MAP3K4: variants seen among roughly 807,000 people sequenced by gnomAD.
The protein encoded by MAP3K4 is mitogen-activated protein kinase kinase kinase 4.
MAP3K4 carries 67 observed loss-of-function variants against 185.6 expected under a neutral mutation model. The ratio of observed to expected loss-of-function variants is 0.36; its 90% CI spans 0.30 to 0.44. The LOEUF (loss-of-function observed/expected upper bound fraction) is 0.44. Ranked by LOEUF, MAP3K4 falls within the 20% of genes least tolerant of loss-of-function variation. The probability of loss-of-function intolerance (pLI) is 1.00; values close to 1 mark genes in which losing one functional copy is unlikely to be tolerated. For synonymous variants in MAP3K4, 702 were observed against 710.4 expected, an observed-to-expected ratio of 0.99 and a Z score of 0.19; for missense variants, 1,551 against 1,995.1, an observed-to-expected ratio of 0.78 and a Z score of 4.24.
intron 2 of MAP3K4, among the ~76,000 whole-genome samples, chr6:161,041,243 A>G (rs1783435809): frequency 6.6e-6 from 1 of 152,126 alleles, no homozygotes; most frequent in Non-Finnish European, 1.5e-5. Context: ...CAACCTGACT[A>G]CCTATCGGCA....
intron 17 of MAP3K4, among the ~76,000 whole-genome samples, chr6:161,099,270 G>A (rs2114888860): frequency 6.6e-6 from 1 of 152,334 alleles, no homozygotes; most frequent in East Asian, 1.9e-4. Flanking sequence ...GGAGAAAATA[G>A]TAGAGTTAAC....
intron 1 of MAP3K4, among the ~76,000 whole-genome samples, chr6:160,992,951 C>T (rs1780808177): frequency 6.6e-6 from 1 of 152,012 alleles, no homozygotes; most frequent in Non-Finnish European, 1.5e-5. Flanking sequence ...AAACTGCTGC[C>T]CCCTGTCCCC....
In MAP3K4 at chr6:161,087,127, G is replaced by A. The variant is rs1785762423; in HGVS notation, c.2556+460G>A. 6.6e-6 allele frequency among the ~76,000 whole-genome samples: 1 copy of A among 152,116 alleles called. No homozygotes were observed. Among genetic ancestry groups the A allele is most frequent in the Non-Finnish European group, 1.5e-5 (1 of 68,024 alleles). On this transcript the variant is annotated intron_variant, in intron 9 of 26. Transcript: ENST00000392142. The surrounding 1 kb of genome is among the most constrained non-coding windows in gnomAD (Gnocchi z 4.9). ...TGGAGATTTAGCACAGTTAGAATCC[G>A]TATGTGATGTCATCACTGGACATTT... is the stretch of plus-strand genomic sequence containing the variant.
rs1780707728 is a variant in MAP3K4, at chr6:160,991,845, G to C, written c.-87G>C. ...GCGGGGTAGAGGCGGAGGCGGAGTC[G>C]AGTCACTCCCGCACTTCGGGGCTCC... On this transcript the variant is annotated 5_prime_UTR_variant, in exon 1 of 27. Transcript: ENST00000392142. The surrounding 1 kb of genome is among the most constrained non-coding windows in gnomAD (Gnocchi z 5.7). 7.3e-7 allele frequency: 1 copy of C among 1,367,266 alleles called. No individual in the cohort carries two copies. The highest frequency in any genetic ancestry group is 9.4e-7 in the Non-Finnish European group (1 of 1,064,008). The allele number at this position is 1,367,266 out of a possible 1,614,324, so 84.7% of individuals were successfully genotyped here.
chr6:161,072,952 G>T (rs1785017146), intron 4 of MAP3K4, among the ~76,000 whole-genome samples: 1 of 151,910 alleles, frequency 6.6e-6, no homozygotes, highest in Non-Finnish European at 1.5e-5. Context: ...TAAGTCGGTT[G>T]GTTGGTTTTG....
chr6:161,075,406 C>G lies in MAP3K4; in HGVS notation c.2097+1794C>G, dbSNP rs1474009236. ...CTCCTGGGCTCAGTGATCCTCCCGC[C>G]TTGGCCTCCCAAAGTGCTGGGATTA... On this transcript the variant is annotated intron_variant, in intron 5 of 26. Coordinates refer to ENST00000392142, the MANE Select transcript of MAP3K4 (RefSeq NM_005922.4). The surrounding 1 kb of genome is among the most constrained non-coding windows in gnomAD (Gnocchi z 4.3). 6.6e-6 allele frequency among the ~76,000 whole-genome samples: 1 copy of G among 152,216 alleles called. No homozygotes were observed. The highest frequency in any genetic ancestry group is 2.4e-5 in the African/African-American group (1 of 41,470).
At position 161,080,389 on chromosome 6, in the gene MAP3K4, A is replaced by C. The variant is rs760890614; in HGVS notation, c.2098-492A>C. On this transcript the variant is annotated intron_variant, in intron 5 of 26. Transcript: ENST00000392142. The surrounding 1 kb of genome is among the most constrained non-coding windows in gnomAD (Gnocchi z 4.8). The stretch of plus-strand genomic sequence containing the variant: ...ATATTTTGGTTTTAGATCATCATTT[A>C]TATGTTGCAAGCCTTGAAAACATTT... Among the ~76,000 whole-genome samples the C allele has an allele frequency of 6.6e-6, 1 of 152,216 alleles. No individual in the cohort carries two copies. The highest frequency in any genetic ancestry group is 1.5e-5 in the Non-Finnish European group (1 of 68,036).
chr6:161,031,935 G>A (rs972607667), intron 1 of MAP3K4, among the ~76,000 whole-genome samples: 7 of 152,072 alleles, frequency 4.6e-5, no homozygotes, highest in Non-Finnish European at 7.4e-5. Flanking sequence ...TTGCTATTTC[G>A]TATCTGACTT....
Position 161,112,818 on chromosome 6 carries a change from A to G in MAP3K4, c.4626+44A>G, listed in dbSNP as rs200867085. On this transcript the variant is annotated intron_variant, in intron 25 of 26. Coordinates refer to ENST00000392142, the MANE Select transcript of MAP3K4 (RefSeq NM_005922.4). This position sits in a 1 kb window ranked among gnomAD's most constrained non-coding sequence, Gnocchi z 5.1. The stretch of plus-strand genomic sequence containing the variant: ...CCTGGCGGAGCAACTTCAGAAGGGC[A>G]CTGTGCATTAACAGAACAGTAGTTA... 1.2e-4 allele frequency: 158 copies of G among 1,341,400 alleles called. 1 individual carries two copies. The highest frequency in any genetic ancestry group is 9.4e-4 in the Middle Eastern group (5 of 5,324). 83.1% of individuals were successfully genotyped at this position (1,341,400 alleles called of 1,614,324 possible). A position where few individuals can be genotyped will look rare whatever the true frequency, so the allele number is the denominator to read the frequency against.
chr6:161,025,811 T>G (rs1172838866), intron 1 of MAP3K4, among the ~76,000 whole-genome samples: 1 of 152,254 alleles, frequency 6.6e-6, no homozygotes, highest in Admixed American at 6.5e-5. Context: ...CTTGTTTCTC[T>G]GTAAACTCTT....
At chr6:161,040,330 TAC>T (rs1178761304) in intron 2 of MAP3K4, among the ~76,000 whole-genome samples, 1 of 152,158 alleles carries the variant, frequency 6.6e-6, no homozygotes, top group African/African-American at 2.4e-5. Context: ...GTGTGCAACC[TAC>T]ACACACACAG....
intron 19 of MAP3K4, among the ~76,000 whole-genome samples, chr6:161,105,284 A>G (rs1165823532): frequency 6.6e-6 from 1 of 152,244 alleles, no homozygotes; most frequent in African/African-American, 2.4e-5. Context: ...AATGAGGAAT[A>G]ATGGCAATAG....
At chr6:161,099,549 T>C (rs1777735162) in intron 17 of MAP3K4, among the ~76,000 whole-genome samples, 2 of 152,246 alleles carry the variant, frequency 1.3e-5, no homozygotes, top group South Asian at 2.1e-4. Context: ...ATGGCAAATA[T>C]CTTCATATAT....
At chr6:160,995,112 T>C (rs1780930783) in intron 1 of MAP3K4, among the ~76,000 whole-genome samples, 1 of 152,224 alleles carries the variant, frequency 6.6e-6, no homozygotes. Flanking sequence ...GTCTATTTTT[T>C]TAATTATTAT....
Position 161,115,050 on chromosome 6 carries a change from A to T in MAP3K4, c.4627-73A>T. 1.5e-6 allele frequency: 2 copies of T among 1,361,462 alleles called. No homozygotes were observed. Among genetic ancestry groups the T allele is most frequent in the Non-Finnish European group, 2.0e-6 (2 of 980,472 alleles). The allele number at this position is 1,361,462 out of a possible 1,614,324, so 84.3% of individuals were successfully genotyped here. On this transcript the variant is annotated intron_variant, in intron 25 of 26. Transcript: ENST00000392142. This position sits in a 1 kb window ranked among gnomAD's most constrained non-coding sequence, Gnocchi z 6.0. ...ATATATTAATGATGAGATGCTTAAA[A>T]ACAGACTGAACATTTGCGTTGTTTG...
chr6:161,043,428 G>A lies in MAP3K4; in HGVS notation c.344-5188G>A, dbSNP rs899157494. ...GCCTGTGTAATCTTTTGTGGTACTC[G>A]CTGTCTTAGCCTTTCCTTGGTCAGT... On this transcript the variant is annotated intron_variant, in intron 2 of 26. Transcript: ENST00000392142. This position sits in a 1 kb window ranked among gnomAD's most constrained non-coding sequence, Gnocchi z 4.3. Among the ~76,000 whole-genome samples the A allele has an allele frequency of 2.6e-5, 4 of 152,064 alleles. No individual in the cohort carries two copies. The highest frequency in any genetic ancestry group is 2.1e-4 in the South Asian group (1 of 4,824).
In MAP3K4 at chr6:161,044,224, A is replaced by C. The variant is rs73784725; in HGVS notation, c.344-4392A>C. On this transcript the variant is annotated intron_variant, in intron 2 of 26. Coordinates refer to ENST00000392142, the MANE Select transcript of MAP3K4 (RefSeq NM_005922.4). ...ACTTGGGAGATCAGGTGTCCCATTC[A>C]TCAAGTTATTAAGAACTATTTTTGT... Among the ~76,000 whole-genome samples the C allele has an allele frequency of 6.5e-3, 989 of 152,358 alleles. 9 individuals are homozygous for C. Among genetic ancestry groups the C allele is most frequent in the Middle Eastern group, 0.058 (17 of 292 alleles).
intron 1 of MAP3K4, among the ~76,000 whole-genome samples, chr6:161,020,656 T>TAAAA (rs775816898): frequency 2.1e-5 from 2 of 96,472 alleles, no homozygotes; most frequent in Admixed American, 1.2e-4. Flanking sequence ...AGACTCTGTC[T>TAAAA]AAAAAAAAAA....
At position 161,093,824 on chromosome 6, in the gene MAP3K4, C is replaced by T. The variant is rs528641335; in HGVS notation, c.3400C>T (p.His1134Tyr). ...ECIGHVIGKP[H>Y]SPVTGLYLAI... Reference sequence around the variant, plus strand: ...CATTGGCCATGTCATAGGAAAACCACACAGTCCTGTTACAGGTTTGTACCT... The same window carrying T: ...CATTGGCCATGTCATAGGAAAACCATACAGTCCTGTTACAGGTTTGTACCT... The change falls in exon 15 of 27, where the codon CAC becomes TAC. Residue 1134 changes from histidine to tyrosine, a missense_variant. His to Tyr is a moderately conservative substitution (Grantham distance 83). Around this residue, in one of 16 missense-constraint regions of MAP3K4, gnomAD observed 272 missense variants for 301.2 expected, o/e 0.90. Coordinates refer to ENST00000392142, the MANE Select transcript of MAP3K4 (RefSeq NM_005922.4). The surrounding 1 kb of genome is among the most constrained non-coding windows in gnomAD (Gnocchi z 5.2). The T allele has an allele frequency of 6.2e-7, 1 of 1,613,772 alleles. No individual in the cohort carries two copies. The highest frequency in any genetic ancestry group is 1.1e-5 in the South Asian group (1 of 91,018).
Sources: gnomAD v4.1 joint callset for allele counts (sites outside exome capture counted in the v4.1 genomes callset) on GRCh38, gnomAD v4.1.1 for gene constraint, gnomAD v4.1.1 regional missense constraint, Gnocchi (gnomAD v3.1) non-coding constraint, MANE v1.5 for transcripts, NCBI Gene and HGNC (gene_info 2026-07-23, HGNC 2026-07-21) for gene names.